KCNQ5: variants seen among roughly 807,000 people sequenced by gnomAD.
KCNQ5 encodes potassium voltage-gated channel subfamily KQT member 5.
A neutral mutation model predicts 98.2 loss-of-function variants in KCNQ5; 30 were observed. The observed-to-expected ratio is 0.31, with a 90% CI of 0.23 to 0.41. The LOEUF (loss-of-function observed/expected upper bound fraction) is 0.41. Ranked by LOEUF, KCNQ5 falls within the 10% of genes least tolerant of loss-of-function variation. The probability of loss-of-function intolerance (pLI) is 1.00; values close to 1 mark genes in which losing one functional copy is unlikely to be tolerated. For missense variants in KCNQ5, 835 were observed against 1,182.5 expected (o/e 0.71, Z 4.31); for synonymous variants, 458 against 449.4 (o/e 1.02, Z -0.24).
rs1312852724 is a variant in KCNQ5 at position 72,764,489 on chromosome 6, G to A, written c.398+141902G>A. Among the ~76,000 whole-genome samples, 4 of 151,852 alleles carry A rather than the reference G, an allele frequency of 2.6e-5. No homozygotes were observed. In the East Asian group the frequency reaches 7.7e-4, roughly 29 times the overall value. On this transcript the variant is annotated intron_variant, in intron 1 of 13. Transcript: ENST00000370398. ...TTCTATTTTTAATTTTTGTGGGTAA[G>A]TAGTATGTGTATATATTTACGGGGT...
chr6:72,818,957 A>C (rs1472971525), intron 1 of KCNQ5, among the ~76,000 whole-genome samples: 2 of 151,828 alleles, frequency 1.3e-5, no homozygotes, highest in Non-Finnish European at 2.9e-5. Context: ...GACATGTTAC[A>C]TGCTCTGAAA....
At chr6:72,931,167 TAA>T (rs968821126) in intron 1 of KCNQ5, among the ~76,000 whole-genome samples, 1 of 152,192 alleles carries the variant, frequency 6.6e-6, no homozygotes, top group African/African-American at 2.4e-5. Flanking sequence ...AGTTTGTGTT[TAA>T]AGAGATGATT....
At chr6:73,087,610 G>A (rs924037751) in intron 5 of KCNQ5, among the ~76,000 whole-genome samples, 26 of 152,070 alleles carry the variant, frequency 1.7e-4, no homozygotes. Flanking sequence ...AGAAAAAAGA[G>A]GGGATAGAAA....
At chr6:72,927,140 A>G (rs575938575) in intron 1 of KCNQ5, among the ~76,000 whole-genome samples, 11 of 152,316 alleles carry the variant, frequency 7.2e-5, no homozygotes, top group Admixed American at 2.0e-4. Flanking sequence ...CTTTGGGCCC[A>G]CTGGGGCATG....
At chr6:73,063,517 A>T (rs960485324) in intron 3 of KCNQ5, among the ~76,000 whole-genome samples, 1 of 152,174 alleles carries the variant, frequency 6.6e-6, no homozygotes, top group African/African-American at 2.4e-5. Context: ...ATGAAATTAG[A>T]AAGTTCCAAA....
At chr6:72,809,710 C>T (rs1775152012) in intron 1 of KCNQ5, among the ~76,000 whole-genome samples, 1 of 152,196 alleles carries the variant, frequency 6.6e-6, no homozygotes, top group African/African-American at 2.4e-5. Flanking sequence ...ACAATTCAGT[C>T]CTAAAAATGT....
At chr6:72,792,099 A>T (rs1316630129) in intron 1 of KCNQ5, among the ~76,000 whole-genome samples, 1 of 152,236 alleles carries the variant, frequency 6.6e-6, no homozygotes, top group South Asian at 2.1e-4. Flanking sequence ...GCTTCATTTC[A>T]TAGCCATGGT....
chr6:73,120,381 A>G, intron 7 of KCNQ5, 102 bp from the exon 8 acceptor site: 2 of 811,810 alleles, frequency 2.5e-6, no homozygotes, highest in Non-Finnish European at 3.7e-6. Flanking sequence ...ATAAGAGGCA[A>G]AAGATTCTTC....
intron 1 of KCNQ5, among the ~76,000 whole-genome samples, chr6:72,835,365 T>C (rs1482907510): frequency 1.3e-5 from 2 of 152,194 alleles, no homozygotes; most frequent in African/African-American, 4.8e-5. Flanking sequence ...ATAATCTGGC[T>C]AATTAAATAT....
chr6:72,726,407 G>C (rs1331433614), intron 1 of KCNQ5, among the ~76,000 whole-genome samples: 1 of 151,878 alleles, frequency 6.6e-6, no homozygotes, highest in African/African-American at 2.4e-5. Flanking sequence ...TAGAGATGGG[G>C]TTTCACTGTG....
At chr6:73,002,370 T>C (rs1769619552) in intron 1 of KCNQ5, among the ~76,000 whole-genome samples, 1 of 152,210 alleles carries the variant, frequency 6.6e-6, no homozygotes, top group African/African-American at 2.4e-5. Flanking sequence ...TTAGGTTCTC[T>C]TTCTGCTACA....
chr6:72,743,986 T>C (rs1223583370), intron 1 of KCNQ5, among the ~76,000 whole-genome samples: 1 of 152,212 alleles, frequency 6.6e-6, no homozygotes, highest in Admixed American at 6.5e-5. Context: ...GCTCAGCTTA[T>C]GATCCCTTTG....
chr6:72,658,045 A>G (rs1053181793), intron 1 of KCNQ5, among the ~76,000 whole-genome samples: 1 of 152,204 alleles, frequency 6.6e-6, no homozygotes, highest in African/African-American at 2.4e-5. Context: ...GCCAGGAAGT[A>G]TGATGGGCAG....
At chr6:72,819,697 T>C (rs1050567939) in intron 1 of KCNQ5, among the ~76,000 whole-genome samples, 1 of 152,224 alleles carries the variant, frequency 6.6e-6, no homozygotes, top group African/African-American at 2.4e-5. Context: ...CCAGGGGCTC[T>C]GGCCGACAGG....
chr6:72,625,990 C>A (rs905621777), intron 1 of KCNQ5, among the ~76,000 whole-genome samples: 3 of 152,182 alleles, frequency 2.0e-5, no homozygotes, highest in African/African-American at 7.2e-5. Flanking sequence ...CATATCATCC[C>A]CTTGCCTAAA....
At chr6:72,629,429 A>G (rs115078944) in intron 1 of KCNQ5, among the ~76,000 whole-genome samples, 39 of 152,310 alleles carry the variant, frequency 2.6e-4, no homozygotes, top group African/African-American at 9.4e-4. Context: ...AAACAATGCT[A>G]TTGTACTTGA....
intron 1 of KCNQ5, among the ~76,000 whole-genome samples, chr6:72,686,717 GTT>G (rs1554688157): frequency 8.2e-5 from 8 of 97,462 alleles, no homozygotes; most frequent in Non-Finnish European, 1.6e-4. Context: ...TTTATGGGTT[GTT>G]TTTTTTTTTT....
intron 1 of KCNQ5, among the ~76,000 whole-genome samples, chr6:72,719,831 G>A (rs908403962): frequency 2.6e-5 from 4 of 152,160 alleles, no homozygotes; most frequent in African/African-American, 9.7e-5. Flanking sequence ...CCACTCCTGA[G>A]GCACTTACTC....
At chr6:72,684,011 G>C (rs1052455060) in intron 1 of KCNQ5, among the ~76,000 whole-genome samples, 1 of 151,978 alleles carries the variant, frequency 6.6e-6, no homozygotes, top group African/African-American at 2.4e-5. Context: ...AACCCACATG[G>C]TCAATATCAA....
Sources: gnomAD v4.1 joint callset for allele counts (sites outside exome capture counted in the v4.1 genomes callset) on GRCh38, gnomAD v4.1.1 for gene constraint, MANE v1.5 for transcripts, NCBI Gene and HGNC (gene_info 2026-07-23, HGNC 2026-07-21) for gene names.